Variants in SMC6 observed in about 807,000 individuals in gnomAD.
SMC6 encodes the protein structural maintenance of chromosomes protein 6.
In SMC6, 79 loss-of-function variants were observed where a neutral mutation model predicts 142.2. That is an observed-to-expected ratio of 0.56 (90% CI 0.46 to 0.67). The LOEUF is 0.67. SMC6 is among the 30% of genes least tolerant of loss of function. SMC6 has a pLI of 0.00. For missense variants in SMC6, 1,072 were observed against 1,284.0 expected, an observed-to-expected ratio of 0.83 and a Z score of 2.52; for synonymous variants, 411 against 412.4, an observed-to-expected ratio of 1.00 and a Z score of 0.04.
At chr2:17,703,853 C>T (rs945178714) in intron 18 of SMC6, among the ~76,000 whole-genome samples, 4 of 151,746 alleles carry the variant, frequency 2.6e-5, no homozygotes, top group Admixed American at 6.6e-5. Flanking sequence ...TATAAGAATA[C>T]AGTACATAAT....
intron 12 of SMC6, among the ~76,000 whole-genome samples, chr2:17,717,698 G>A (rs1669165441): frequency 6.7e-6 from 1 of 149,226 alleles, no homozygotes; most frequent in Admixed American, 6.7e-5. Flanking sequence ...AAAAATAGAA[G>A]AGGCTGGGTG....
chr2:17,749,234 T>G (rs879884034), intron 2 of SMC6, among the ~76,000 whole-genome samples: 1 of 152,072 alleles, frequency 6.6e-6, no homozygotes, highest in Non-Finnish European at 1.5e-5. Flanking sequence ...GAAAAAAGCC[T>G]CCTCTGGGAT....
chr2:17,695,621 C>T (rs545030816), intron 22 of SMC6, among the ~76,000 whole-genome samples: 66 of 152,160 alleles, frequency 4.3e-4, no homozygotes, highest in Non-Finnish European at 6.8e-4. Context: ...TAGGTTTCCA[C>T]ATCCTTTAGG....
In SMC6 at chr2:17,718,062, G is replaced by A; in HGVS notation, c.1092+15C>T. 6.3e-7 allele frequency: 1 copy of A among 1,586,098 alleles called. No homozygotes were observed. ...GTGTGGCTTTTAAAATTCCAGTTTA[G>A]AAAATTTATCTCACCTCAGCTTCAT... On this transcript the variant is annotated intron_variant, in intron 12 of 27. Coordinates refer to ENST00000448223, the MANE Select transcript of SMC6 (RefSeq NM_001142286.2).
rs746412350 is a variant in SMC6 at position 17,670,481 on chromosome 2, GA to G, written c.3004del (p.Ser1002ProfsTer31). 6.2e-7 allele frequency: 1 copy of G among 1,613,544 alleles called. No individual in the cohort carries two copies. The highest frequency in any genetic ancestry group is 1.1e-5 in the South Asian group (1 of 91,010). ...AGGAGATTCTGCGATGGACCACAGGGAAAGAATAAAACACACTGTGGAGAAA... is the reference window on the plus strand; with the variant it reads ...AGGAGATTCTGCGATGGACCACAGGGAAGAATAAAACACACTGTGGAGAAA... The part of the protein sequence containing the change: ...RSFSTVCFIL[S>X]LWSIAESPFR... On this transcript the variant is annotated frameshift_variant, in exon 26 of 28. Transcript: ENST00000448223. LOFTEE classifies it high-confidence loss of function.
At chr2:17,671,384 C>G (rs113507622) in intron 25 of SMC6, among the ~76,000 whole-genome samples, 1 of 16 alleles carries the variant, frequency 0.062, no homozygotes. Context: ...TTTAAAGGAA[C>G]CCTAGAAGTT....
intron 25 of SMC6, among the ~76,000 whole-genome samples, chr2:17,678,362 A>G (rs548307677): frequency 1.1e-4 from 17 of 152,310 alleles, no homozygotes; most frequent in Admixed American, 3.3e-4. Context: ...AATAAAATCT[A>G]CGCTAGCAGC....
rs115388697 is a variant in SMC6, at chr2:17,701,939, C to T, written c.2143-30G>A. The T allele has an allele frequency of 1.1e-3, 1,330 of 1,244,410 alleles. 13 individuals carry two copies. The African/African-American group carries it at 0.016, about 15-fold the overall frequency. The allele number at this position is 1,244,410 out of a possible 1,614,324, so 77.1% of individuals were successfully genotyped here. On this transcript the variant is annotated intron_variant, in intron 19 of 27. Transcript: ENST00000448223. ...AAGAAAAGTATTTGGATTTTAGTAA[C>T]ATAAAAAAAAATTTAAACCGAAAAC...
chr2:17,707,885 C>T (rs1323392797), intron 17 of SMC6, among the ~76,000 whole-genome samples: 1 of 151,886 alleles, frequency 6.6e-6, no homozygotes, highest in African/African-American at 2.4e-5. Context: ...ATCAACCTCT[C>T]TGGGGACAGA....
At chr2:17,750,295 T>A (rs774335832) in intron 2 of SMC6, among the ~76,000 whole-genome samples, 31 of 152,162 alleles carry the variant, frequency 2.0e-4, no homozygotes, top group Non-Finnish European at 1.6e-4. Context: ...AAACAAGAGA[T>A]TTAAAAGACT....
At position 17,721,180 on chromosome 2, in the gene SMC6, T is replaced by G. The variant is rs1428308439; in HGVS notation, c.808A>C (p.Asn270His). The change falls in exon 10 of 28, where the codon AAT becomes CAT. Residue 270 changes from asparagine (N) to histidine (H), a missense_variant. By Grantham distance (68) the Asn-to-His change is moderately conservative. Around this residue, in one of 3 missense-constraint regions of SMC6, gnomAD observed 994 missense variants for 1,153.2 expected, o/e 0.86. Transcript: ENST00000448223. ...SIAGLSTMKT[N>H]LESLKHEMAW... ...ATTTCATGTTTCAAGGACTCTAAAT[T>G]AGTCTTCATTGTACTTAAACCAGCA... is the stretch of plus-strand genomic sequence containing the variant. 6.2e-7 allele frequency: 1 copy of G among 1,612,310 alleles called. No individual in the cohort carries two copies. The highest frequency in any genetic ancestry group is 8.5e-7 in the Non-Finnish European group (1 of 1,179,564).
chr2:17,716,677 A>G (rs565845972), intron 14 of SMC6, 64 bp downstream of exon 14: 3 of 1,493,742 alleles, frequency 2.0e-6, no homozygotes, highest in Non-Finnish European at 2.7e-6. Context: ...CTCTTCATAC[A>G]AGAACAAAAC....
At chr2:17,732,709 A>T (rs1669970832) in intron 5 of SMC6, among the ~76,000 whole-genome samples, 1 of 152,106 alleles carries the variant, frequency 6.6e-6, no homozygotes, top group Admixed American at 6.5e-5. Flanking sequence ...AAAAAAAAAA[A>T]AGAAAAAAGA....
intron 3 of SMC6, among the ~76,000 whole-genome samples, chr2:17,742,637 C>T (rs1030319841): frequency 2.6e-5 from 4 of 151,874 alleles, no homozygotes; most frequent in Non-Finnish European, 4.4e-5. Flanking sequence ...AAAAACTCCC[C>T]GGCTCTCTTC....
At chr2:17,728,669 A>G (rs1669750528) in intron 7 of SMC6, among the ~76,000 whole-genome samples, 1 of 152,232 alleles carries the variant, frequency 6.6e-6, no homozygotes, top group South Asian at 2.1e-4. Flanking sequence ...ATGATCAGAC[A>G]CTTAAAGATA....
intron 9 of SMC6, among the ~76,000 whole-genome samples, chr2:17,722,527 T>A (rs1161817390): frequency 6.6e-6 from 1 of 152,160 alleles, no homozygotes; most frequent in Non-Finnish European, 1.5e-5. Context: ...TCCCTTTCTA[T>A]CCAGGTTTCA....
intron 6 of SMC6, 97 bp from the exon 7 acceptor site, chr2:17,731,236 T>A (rs1669901428): frequency 2.6e-6 from 2 of 775,756 alleles, no homozygotes; most frequent in South Asian, 3.3e-5. Context: ...TTAGTTAGCT[T>A]TCATTGCATC....
At position 17,666,938 on chromosome 2, in the gene SMC6, C is replaced by T. The variant is rs911327009; in HGVS notation, c.3064-421G>A. Among the ~76,000 whole-genome samples, 11 of 152,246 alleles carry T rather than the reference C, an allele frequency of 7.2e-5. No individual in the cohort carries two copies. The South Asian group carries it at 1.0e-3, about 14-fold the overall frequency. ...TCAAGGGTATAGTAAGCTATGATCG[C>T]ACCATTGTACTCTAGCCTGAATGAC... is the stretch of plus-strand genomic sequence containing the variant. On this transcript the variant is annotated intron_variant, in intron 26 of 27. Coordinates refer to ENST00000448223, the MANE Select transcript of SMC6 (RefSeq NM_001142286.2).
At chr2:17,667,632 T>G (rs1666560979) in intron 26 of SMC6, among the ~76,000 whole-genome samples, 1 of 152,168 alleles carries the variant, frequency 6.6e-6, no homozygotes, top group Admixed American at 6.5e-5. Flanking sequence ...GGTGGATCAC[T>G]TGAGGCCAGG....
Sources: gnomAD v4.1 joint callset for allele counts (sites outside exome capture counted in the v4.1 genomes callset) on GRCh38, gnomAD v4.1.1 for gene constraint, gnomAD v4.1.1 regional missense constraint, MANE v1.5 for transcripts, NCBI Gene and HGNC (gene_info 2026-07-23, HGNC 2026-07-21) for gene names.